SNX18: variants seen among roughly 807,000 people sequenced by gnomAD.
The protein encoded by SNX18 is sorting nexin 18.
Under a neutral mutation model 48.7 loss-of-function variants are expected in SNX18, and 35 were observed. That is an observed-to-expected ratio of 0.72 (90% CI 0.55 to 0.95). The LOEUF (loss-of-function observed/expected upper bound fraction) is 0.95, where lower values mean the gene tolerates loss of function less well. SNX18 is among the 40% of genes least tolerant of loss of function. The pLI is 0.00. For synonymous variants in SNX18, 492 were observed against 384.7 expected (o/e 1.28, Z -3.26); for missense variants, 824 against 871.0 (o/e 0.95, Z 0.68).
At chr5:54,605,512 T>A in the SNX18 span, among the ~76,000 whole-genome samples, 2 of 152,234 alleles carry the variant, frequency 1.3e-5, no homozygotes, top group African/African-American at 2.4e-5. Flanking sequence ...TGAACTTTTT[T>A]ACATAATTTT....
At chr5:54,597,006 A>G in the SNX18 span, among the ~76,000 whole-genome samples, 10 of 152,162 alleles carry the variant, frequency 6.6e-5, no homozygotes, top group African/African-American at 2.2e-4. Flanking sequence ...TATTCAAGAG[A>G]CCCATCTCAC....
chr5:54,601,291 T>C, the SNX18 span, among the ~76,000 whole-genome samples: 2 of 152,220 alleles, frequency 1.3e-5, no homozygotes, highest in African/African-American at 4.8e-5. Context: ...CCACTGATTC[T>C]ATCTAGTCCT....
At chr5:54,602,734 C>T in the SNX18 span, among the ~76,000 whole-genome samples, 1 of 152,204 alleles carries the variant, frequency 6.6e-6, no homozygotes, top group Non-Finnish European at 1.5e-5. Flanking sequence ...ACAGCTTGAT[C>T]TCTTGGCTTG....
the SNX18 span, among the ~76,000 whole-genome samples, chr5:54,574,944 C>G: frequency 6.6e-6 from 1 of 152,140 alleles, no homozygotes; most frequent in East Asian, 1.9e-4. Context: ...GGCCAGATTC[C>G]AAAGCATCTT....
chr5:54,583,407 A>G, the SNX18 span, among the ~76,000 whole-genome samples: 1 of 152,186 alleles, frequency 6.6e-6, no homozygotes, highest in South Asian at 2.1e-4. Context: ...TCTTCCCTTC[A>G]CTACAAGAAG....
chr5:54,563,660 T>C, the SNX18 span, among the ~76,000 whole-genome samples: 1 of 152,182 alleles, frequency 6.6e-6, no homozygotes, highest in African/African-American at 2.4e-5. Context: ...CCCCACCTGA[T>C]GCTCCACCTT....
intron 1 of SNX18, among the ~76,000 whole-genome samples, chr5:54,538,457 C>A (rs1762398422): frequency 6.6e-6 from 1 of 152,044 alleles, no homozygotes; most frequent in Non-Finnish European, 1.5e-5. Flanking sequence ...TTTCTGTTTA[C>A]TTCTAGTCAG....
chr5:54,535,314 G>C (rs1580104628), intron 1 of SNX18, among the ~76,000 whole-genome samples: 2 of 152,182 alleles, frequency 1.3e-5, no homozygotes, highest in South Asian at 4.1e-4. Context: ...AGCTAGGACT[G>C]GTGATGGAGA....
intron 1 of SNX18, among the ~76,000 whole-genome samples, chr5:54,530,353 G>C (rs1762229765): frequency 6.6e-6 from 1 of 152,160 alleles, no homozygotes; most frequent in Non-Finnish European, 1.5e-5. Flanking sequence ...CATCTCATTT[G>C]GTGGCTGTGA....
At chr5:54,533,976 T>C (rs989966985) in intron 1 of SNX18, among the ~76,000 whole-genome samples, 15 of 152,136 alleles carry the variant, frequency 9.9e-5, no homozygotes, top group African/African-American at 3.4e-4. Flanking sequence ...AATGAGAGGA[T>C]AAGAACCCAA....
At chr5:54,623,569 C>T in the SNX18 span, among the ~76,000 whole-genome samples, 1 of 152,016 alleles carries the variant, frequency 6.6e-6, no homozygotes, top group African/African-American at 2.4e-5. Context: ...ACAGGTACCA[C>T]ATTACAGCTA....
chr5:54,520,261 C>T (rs1761994208), intron 1 of SNX18: 3 of 181,742 alleles, frequency 1.7e-5, no homozygotes. Context: ...GATCTGAGAG[C>T]AGCGTTGCTG....
intron 1 of SNX18, among the ~76,000 whole-genome samples, chr5:54,541,932 A>G (rs574187645): frequency 7.8e-4 from 119 of 152,290 alleles, no homozygotes; most frequent in Non-Finnish European, 1.3e-3. Context: ...GCAAAACAAC[A>G]TTTCCGAAAC....
At chr5:54,555,098 G>A in the SNX18 span, among the ~76,000 whole-genome samples, 1 of 152,198 alleles carries the variant, frequency 6.6e-6, no homozygotes. Flanking sequence ...TTCCTCCGCT[G>A]GTTCAGCCTT....
At chr5:54,551,154 G>C (rs1051488248), downstream of SNX18, among the ~76,000 whole-genome samples, 6 of 151,908 alleles carry the variant, frequency 3.9e-5, no homozygotes, top group African/African-American at 1.5e-4. Flanking sequence ...TTCGAGACCT[G>C]GAAGTGAATT....
chr5:54,633,931 A>G, the SNX18 span, among the ~76,000 whole-genome samples: 19 of 152,230 alleles, frequency 1.2e-4, no homozygotes, highest in Non-Finnish European at 2.1e-4. Flanking sequence ...TTACTTGTCC[A>G]GAAACACACG....
the SNX18 span, among the ~76,000 whole-genome samples, chr5:54,571,428 A>C: frequency 6.6e-6 from 1 of 152,162 alleles, no homozygotes; most frequent in Non-Finnish European, 1.5e-5. Flanking sequence ...TGCCATTTTC[A>C]AGGGATCTTT....
the SNX18 span, among the ~76,000 whole-genome samples, chr5:54,609,056 A>G: frequency 6.6e-6 from 1 of 152,068 alleles, no homozygotes; most frequent in Admixed American, 6.5e-5. Context: ...GGGAGCATCT[A>G]ATCTCCCATG....
the SNX18 span, among the ~76,000 whole-genome samples, chr5:54,559,509 C>G: frequency 6.6e-6 from 1 of 152,184 alleles, no homozygotes; most frequent in Admixed American, 6.5e-5. Flanking sequence ...GCTGGGATAA[C>G]TGGCTAGCCA....
Sources: gnomAD v4.1 joint callset for allele counts (sites outside exome capture counted in the v4.1 genomes callset) on GRCh38, gnomAD v4.1.1 for gene constraint, MANE v1.5 for transcripts, NCBI Gene and HGNC (gene_info 2026-07-23, HGNC 2026-07-21) for gene names.